The following TMEM232 variants were observed in gnomAD, a reference collection of about 807,000 sequenced individuals.
TMEM232 encodes transmembrane protein 232.
Under a neutral mutation model 78.8 loss-of-function variants are expected in TMEM232, and 80 were observed. That is an observed-to-expected ratio of 1.01 (90% CI 0.85 to 1.22). The LOEUF is 1.22. Ranked by LOEUF, TMEM232 falls within the 50% of genes most tolerant of loss-of-function variation. TMEM232 has a pLI of 0.00. For missense variants in TMEM232, 881 were observed against 742.2 expected (o/e 1.19, Z -2.17); for synonymous variants, 297 against 254.3 (o/e 1.17, Z -1.60).
chr5:110,652,390 G>A (rs1378016635), intron 2 of TMEM232, among the ~76,000 whole-genome samples: 2 of 151,588 alleles, frequency 1.3e-5, no homozygotes, highest in Admixed American at 1.3e-4. Context: ...TTTTTCATAG[G>A]CTCTAGGGAA....
chr5:110,561,721 G>A (rs1030522413), intron 11 of TMEM232, among the ~76,000 whole-genome samples: 4 of 152,042 alleles, frequency 2.6e-5, no homozygotes, highest in Non-Finnish European at 4.4e-5. Context: ...TGGTTCTACT[G>A]GTCTGAGCTG....
chr5:110,426,057 T>G (rs1757197097), intron 12 of TMEM232, among the ~76,000 whole-genome samples: 1 of 152,024 alleles, frequency 6.6e-6, no homozygotes, highest in African/African-American at 2.4e-5. Flanking sequence ...GTTGCTGGAA[T>G]GTAGGTTGTT....
chr5:110,723,511 G>A (rs1797857093), intron 1 of TMEM232, among the ~76,000 whole-genome samples: 1 of 152,128 alleles, frequency 6.6e-6, no homozygotes. Context: ...GTACCATTAT[G>A]TTTAAATTAG....
At chr5:110,481,501 C>G (rs1294217577) in intron 12 of TMEM232, among the ~76,000 whole-genome samples, 3 of 151,986 alleles carry the variant, frequency 2.0e-5, no homozygotes, top group Non-Finnish European at 2.9e-5. Flanking sequence ...TAGCAAATCC[C>G]TGAAAATAAG....
chr5:110,415,841 C>T (rs1756185490), downstream of TMEM232, among the ~76,000 whole-genome samples: 1 of 152,066 alleles, frequency 6.6e-6, no homozygotes, highest in Non-Finnish European at 1.5e-5. Flanking sequence ...TTGACCTTTA[C>T]CTTATTCGTT....
chr5:110,507,026 C>A (rs575736105), intron 12 of TMEM232, among the ~76,000 whole-genome samples: 1 of 152,264 alleles, frequency 6.6e-6, no homozygotes, highest in African/African-American at 2.4e-5. Context: ...TTACTGCTTA[C>A]TGAGCCAGGG....
At chr5:110,539,045 C>T (rs527258824) in intron 11 of TMEM232, among the ~76,000 whole-genome samples, 1 of 152,284 alleles carries the variant, frequency 6.6e-6, no homozygotes, top group Non-Finnish European at 1.5e-5. Context: ...AATAGGGGCA[C>T]TGCTACAATG....
At chr5:110,608,279 G>T (rs1781754978) in intron 8 of TMEM232, among the ~76,000 whole-genome samples, 1 of 151,888 alleles carries the variant, frequency 6.6e-6, no homozygotes, top group Non-Finnish European at 1.5e-5. Flanking sequence ...ACAAGGTTCA[G>T]AATGCTAAAT....
chr5:110,695,504 G>A (rs1056956527), intron 1 of TMEM232, among the ~76,000 whole-genome samples: 4 of 152,150 alleles, frequency 2.6e-5, no homozygotes, highest in Non-Finnish European at 5.9e-5. Flanking sequence ...AAAAATCAAT[G>A]AATCCAGGAG....
chr5:110,401,255 A>C (rs1448646988), intron 2 of TMEM232, among the ~76,000 whole-genome samples: 1 of 151,918 alleles, frequency 6.6e-6, no homozygotes, highest in Non-Finnish European at 1.5e-5. Context: ...ACAATAGCAT[A>C]AAGGCAACTT....
At chr5:110,612,530 A>T (rs1782438366) in intron 8 of TMEM232, among the ~76,000 whole-genome samples, 1 of 152,184 alleles carries the variant, frequency 6.6e-6, no homozygotes, top group Non-Finnish European at 1.5e-5. Context: ...AATTAGTAGG[A>T]TCAAGGATAT....
chr5:110,681,711 CAA>C (rs1463153325), intron 1 of TMEM232, among the ~76,000 whole-genome samples: 5 of 152,192 alleles, frequency 3.3e-5, no homozygotes, highest in Non-Finnish European at 7.3e-5. Context: ...GTTACAGTTA[CAA>C]GTTTAAGTGG....
At chr5:110,465,521 T>C (rs1169331013) in intron 12 of TMEM232, among the ~76,000 whole-genome samples, 3 of 152,240 alleles carry the variant, frequency 2.0e-5, no homozygotes, top group Non-Finnish European at 4.4e-5. Flanking sequence ...TTTGTGTATA[T>C]GTTTATTTGA....
At chr5:110,653,554 G>A (rs1419353357) in intron 2 of TMEM232, among the ~76,000 whole-genome samples, 1 of 152,132 alleles carries the variant, frequency 6.6e-6, no homozygotes, top group African/African-American at 2.4e-5. Flanking sequence ...TTTTTCCTGG[G>A]CACATGATCA....
chr5:110,520,824 A>T (rs988729360), intron 12 of TMEM232, among the ~76,000 whole-genome samples: 36 of 152,190 alleles, frequency 2.4e-4, no homozygotes, highest in Non-Finnish European at 5.3e-4. Context: ...AGGCTGAGGC[A>T]GGAGAATCTC....
chr5:110,625,378 C>A lies in TMEM232; in HGVS notation c.657G>T (p.Val219=). The A allele has an allele frequency of 1.9e-6, 3 of 1,546,862 alleles. No homozygotes were observed. The African/African-American group carries it at 4.1e-5, about 21-fold the overall frequency. ...TTTCCGAGGCTTTCAGGATGAATTGCACATTTGAAAAGATGTTTGGATACT... is the reference window on the plus strand; with the variant it reads ...TTTCCGAGGCTTTCAGGATGAATTGAACATTTGAAAAGATGTTTGGATACT... ...YHKYPNIFSN[V]QFILKASEII... Residue 219 remains valine (V), a synonymous_variant, in exon 7 of 14, where the codon GTG becomes GTT. Transcript: ENST00000455884.
intron 2 of TMEM232, among the ~76,000 whole-genome samples, chr5:110,408,563 C>G (rs1365727053): frequency 6.6e-6 from 1 of 151,866 alleles, no homozygotes; most frequent in South Asian, 2.1e-4. Flanking sequence ...GCACTCCAGC[C>G]CGGGTGACAG....
At chr5:110,447,338 G>A (rs1319683125) in intron 12 of TMEM232, among the ~76,000 whole-genome samples, 1 of 152,000 alleles carries the variant, frequency 6.6e-6, no homozygotes, top group African/African-American at 2.4e-5. Context: ...AAGCCTACCA[G>A]AGACTAGGAA....
chr5:110,409,524 A>G (rs888217043), intron 2 of TMEM232, among the ~76,000 whole-genome samples: 3 of 152,236 alleles, frequency 2.0e-5, no homozygotes, highest in Admixed American at 6.5e-5. Flanking sequence ...GGAAAATGAT[A>G]TATCTCTGGT....
Sources: gnomAD v4.1 joint callset for allele counts (sites outside exome capture counted in the v4.1 genomes callset) on GRCh38, gnomAD v4.1.1 for gene constraint, MANE v1.5 for transcripts, NCBI Gene and HGNC (gene_info 2026-07-23, HGNC 2026-07-21) for gene names.